MBD5: variants seen among roughly 807,000 people sequenced by gnomAD.
MBD5 encodes the protein methyl-CpG-binding domain protein 5.
In MBD5, 13 loss-of-function variants were observed where a neutral mutation model predicts 117.3. The ratio of observed to expected loss-of-function variants is 0.11; its 90% CI spans 0.07 to 0.18. The LOEUF is 0.18. MBD5 is among the 10% of genes least tolerant of loss of function. The pLI is 1.00. For synonymous variants in MBD5, 727 were observed against 766.4 expected, an observed-to-expected ratio of 0.95 and a Z score of 0.85; for missense variants, 1,879 against 2,093.8, an observed-to-expected ratio of 0.90 and a Z score of 2.00.
At chr2:148,130,650 G>A (rs1697023062) in intron 1 of MBD5, among the ~76,000 whole-genome samples, 1 of 152,024 alleles carries the variant, frequency 6.6e-6, no homozygotes, top group South Asian at 2.1e-4. Flanking sequence ...CTCCTCATCA[G>A]GGGAGACATG....
intron 1 of MBD5, among the ~76,000 whole-genome samples, chr2:148,158,679 T>C (rs1409352492): frequency 6.6e-6 from 1 of 152,178 alleles, no homozygotes; most frequent in Non-Finnish European, 1.5e-5. Flanking sequence ...ACTAGATATG[T>C]TCACATCCAT....
At chr2:148,387,372 A>G (rs1383861153) in intron 4 of MBD5, among the ~76,000 whole-genome samples, 1 of 152,124 alleles carries the variant, frequency 6.6e-6, no homozygotes, top group Non-Finnish European at 1.5e-5. Context: ...AAGAAAAAAA[A>G]CCTCTTTGCA....
chr2:148,263,682 G>A (rs1700786908), intron 3 of MBD5, among the ~76,000 whole-genome samples: 1 of 152,154 alleles, frequency 6.6e-6, no homozygotes, highest in Non-Finnish European at 1.5e-5. Context: ...AAGATCCTGG[G>A]ACAGCTGCCC....
rs1574460001 is a variant in MBD5, at chr2:148,469,166, C to T, written c.1223C>T (p.Pro408Leu). The change falls in exon 8 of 14, where the codon CCA becomes CTA. Residue 408 changes from proline (P) to leucine (L), a missense_variant. Physicochemically the swap from Pro to Leu is moderately conservative, Grantham distance 98. Coordinates refer to ENST00000642680, the MANE Select transcript of MBD5 (RefSeq NM_001378120.1). The part of the protein sequence containing the change: ...PAVVPLPSNL[P>L]LPTVKPGHMN... Reference sequence around the variant, plus strand: ...GTTGTTCCTTTGCCAAGTAATCTCCCATTGCCAACTGTAAAACCTGGTCAC... The same window carrying T: ...GTTGTTCCTTTGCCAAGTAATCTCCTATTGCCAACTGTAAAACCTGGTCAC... The T allele has an allele frequency of 1.9e-6, 3 of 1,614,026 alleles. No individual in the cohort carries two copies. The highest frequency in any genetic ancestry group is 1.7e-6 in the Non-Finnish European group (2 of 1,179,958).
In MBD5 at chr2:148,367,664, G is replaced by A. The variant is rs1703740800; in HGVS notation, c.-557+25328G>A. 2.6e-5 allele frequency among the ~76,000 whole-genome samples: 4 copies of A among 152,208 alleles called. No homozygotes were observed. In the South Asian group the frequency reaches 6.2e-4, roughly 24 times the overall value. ...CAAACAACCCCATCAAAAAATGGGAGAAGTATATGAACAGATATTTCTCAA... is the reference window on the plus strand; with the variant it reads ...CAAACAACCCCATCAAAAAATGGGAAAAGTATATGAACAGATATTTCTCAA... On this transcript the variant is annotated intron_variant, in intron 4 of 13. Transcript: ENST00000642680.
chr2:148,092,951 C>T (rs1260105149), intron 1 of MBD5, among the ~76,000 whole-genome samples: 2 of 151,676 alleles, frequency 1.3e-5, no homozygotes, highest in Non-Finnish European at 2.9e-5. Context: ...GGAGTATCGC[C>T]CTGTCACCCA....
intron 1 of MBD5, among the ~76,000 whole-genome samples, chr2:148,142,516 G>A (rs1432124079): frequency 6.6e-6 from 1 of 152,152 alleles, no homozygotes; most frequent in Non-Finnish European, 1.5e-5. Flanking sequence ...AGAATAGAGA[G>A]AATACTACCC....
At chr2:148,028,500 ATTACTGTTTT>A (rs1450273078) in intron 1 of MBD5, 1 of 152,082 alleles carries the variant, frequency 6.6e-6, no homozygotes, top group Non-Finnish European at 1.5e-5. Flanking sequence ...TGTATTCACA[ATTACTGTTTT>A]TTATACACCA....
At chr2:148,460,536 A>G (rs1020822427) in intron 5 of MBD5, among the ~76,000 whole-genome samples, 1 of 152,212 alleles carries the variant, frequency 6.6e-6, no homozygotes, top group Admixed American at 6.5e-5. Flanking sequence ...TCCCTGCTCA[A>G]TGTGCAGTTT....
intron 1 of MBD5, among the ~76,000 whole-genome samples, chr2:148,033,761 C>T (rs1694107798): frequency 6.6e-6 from 1 of 152,166 alleles, no homozygotes; most frequent in East Asian, 1.9e-4. Flanking sequence ...GGTACTTCAT[C>T]AGGTGATCTT....
intron 1 of MBD5, chr2:148,056,135 C>T (rs544253975): frequency 6.6e-6 from 1 of 151,926 alleles, no homozygotes; most frequent in Non-Finnish European, 1.5e-5. Flanking sequence ...CTTTAAAATT[C>T]ATTTTCTACC....
At chr2:148,302,806 T>A (rs192844457) in intron 3 of MBD5, among the ~76,000 whole-genome samples, 18 of 151,896 alleles carry the variant, frequency 1.2e-4, no homozygotes, top group African/African-American at 2.7e-4. Context: ...ATTTTTTTTT[T>A]ATTTTTTTAG....
At chr2:148,335,604 T>C (rs1702766247) in intron 3 of MBD5, among the ~76,000 whole-genome samples, 2 of 151,774 alleles carry the variant, frequency 1.3e-5, no homozygotes, top group African/African-American at 2.4e-5. Context: ...CCTGTGGTCA[T>C]GGCTACTCAG....
At position 148,470,128 on chromosome 2, in the gene MBD5, G is replaced by A; in HGVS notation, c.2185G>A (p.Ala729Thr). The change falls in exon 8 of 14, where the codon GCT (alanine) becomes ACT (threonine). Residue 729 changes from alanine to threonine, a missense_variant. Ala to Thr is a moderately conservative substitution (Grantham distance 58). This residue lies in a region of MBD5 where 1,666 missense variants were observed against 1,792.2 expected (regional missense o/e 0.93). Transcript: ENST00000642680. ...CCCGGGTTGTGGGGCCTCAAATACT[G>A]CTTTGCCTTGCTCTGCTAACCAGCT... ...STPGCGASNT[A>T]LPCSANQLHF... The A allele has an allele frequency of 6.2e-7, 1 of 1,613,826 alleles. No individual in the cohort carries two copies. The highest frequency in any genetic ancestry group is 2.2e-5 in the East Asian group (1 of 44,842).
At position 148,516,285 on chromosome 2, in the gene MBD5, A is replaced by T. The variant is rs1239036424; in HGVS notation, c.*3344A>T. ...AAGTCACAAGCATATATGCATTAAG[A>T]TTTTAAAATCTAAGATGCTTAAGAT... is the stretch of plus-strand genomic sequence containing the variant. On this transcript the variant is annotated 3_prime_UTR_variant, in exon 14 of 14. Coordinates refer to ENST00000642680, the MANE Select transcript of MBD5 (RefSeq NM_001378120.1). 3 of 152,218 alleles carry T rather than the reference A, an allele frequency of 2.0e-5. No homozygotes were observed. Among genetic ancestry groups the T allele is most frequent in the Non-Finnish European group, 4.4e-5 (3 of 68,034 alleles). The allele number at this position is 152,218 out of a possible 1,614,324, so 9.4% of individuals were successfully genotyped here. A position where few individuals can be genotyped will look rare whatever the true frequency, so the allele number is the denominator to read the frequency against.
chr2:148,425,120 AATAG>A (rs1387514219), intron 4 of MBD5, among the ~76,000 whole-genome samples: 1 of 152,128 alleles, frequency 6.6e-6, no homozygotes, highest in Non-Finnish European at 1.5e-5. Context: ...AGATCAACAA[AATAG>A]ATAGACCACT....
chr2:148,061,491 C>T (rs1695034226), intron 1 of MBD5, among the ~76,000 whole-genome samples: 1 of 151,920 alleles, frequency 6.6e-6, no homozygotes, highest in South Asian at 2.1e-4. Context: ...AAAGGGAAAT[C>T]TACCATATCA....
intron 3 of MBD5, among the ~76,000 whole-genome samples, chr2:148,337,644 A>T (rs1282761788): frequency 1.3e-5 from 2 of 151,748 alleles, no homozygotes; most frequent in Non-Finnish European, 2.9e-5. Flanking sequence ...CCCTTTTTAT[A>T]TCTTTAAAAT....
intron 4 of MBD5, among the ~76,000 whole-genome samples, chr2:148,390,767 G>A (rs1704549873): frequency 6.6e-6 from 1 of 151,932 alleles, no homozygotes; most frequent in Non-Finnish European, 1.5e-5. Flanking sequence ...GTTTCACCAT[G>A]TTGCCCTGGT....
Sources: gnomAD v4.1 joint callset for allele counts (sites outside exome capture counted in the v4.1 genomes callset) on GRCh38, gnomAD v4.1.1 for gene constraint, gnomAD v4.1.1 regional missense constraint, MANE v1.5 for transcripts, NCBI Gene and HGNC (gene_info 2026-07-23, HGNC 2026-07-21) for gene names.